BTBD8: variants seen among roughly 807,000 people sequenced by gnomAD.
BTBD8 encodes the protein BTB domain containing 8.
Under a neutral mutation model 162.9 loss-of-function variants are expected in BTBD8, and 110 were observed. The observed-to-expected ratio is 0.68, with a 90% CI of 0.58 to 0.79. BTBD8 has a LOEUF of 0.79. Among genes scored for constraint, BTBD8 ranks in the 30% least tolerant of loss-of-function variants. The pLI, the probability that BTBD8 is intolerant of heterozygous loss-of-function variation, is 0.00. For missense variants in BTBD8, 1,905 were observed against 2,085.4 expected (o/e 0.91, Z 1.68); for synonymous variants, 667 against 716.1 (o/e 0.93, Z 1.10).
chr1:92,117,034 GA>G (rs1649058678), intron 4 of BTBD8, among the ~76,000 whole-genome samples: 1 of 151,734 alleles, frequency 6.6e-6, no homozygotes, highest in Non-Finnish European at 1.5e-5. Context: ...ATTTTTTGTA[GA>G]GATGGGTTCT....
intron 7 of BTBD8, among the ~76,000 whole-genome samples, chr1:92,141,726 A>G (rs1452556768): frequency 6.6e-6 from 1 of 152,204 alleles, no homozygotes; most frequent in Middle Eastern, 3.2e-3. Context: ...ATCTCATACT[A>G]TGCATTTTGA....
rs1648708211 is a variant in BTBD8 at position 92,105,689 on chromosome 1, A to G, written c.545-2195A>G. On this transcript the variant is annotated intron_variant, in intron 3 of 17. Transcript: ENST00000636805. ...AAGGTTACGATAAACAGTTGTTAAAAGAAAAACGTTAGATAAAATGAACCT... is the reference window on the plus strand; with the variant it reads ...AAGGTTACGATAAACAGTTGTTAAAGGAAAAACGTTAGATAAAATGAACCT... Among the ~76,000 whole-genome samples the G allele has an allele frequency of 2.6e-5, 4 of 152,268 alleles. No homozygotes were observed. The South Asian group carries it at 8.3e-4, about 31-fold the overall frequency.
chr1:92,163,425 T>C (rs1650314205), intron 9 of BTBD8, among the ~76,000 whole-genome samples: 1 of 150,552 alleles, frequency 6.6e-6, no homozygotes, highest in Non-Finnish European at 1.5e-5. Flanking sequence ...CCTTCATTTG[T>C]ATAAAATAAG....
At chr1:92,089,024 A>G (rs1453999695) in intron 2 of BTBD8, 129 bp downstream of exon 2, 4 of 880,882 alleles carry the variant, frequency 4.5e-6, no homozygotes, top group Non-Finnish European at 1.7e-6. Context: ...TTAAATTCCA[A>G]ATTATCTTAG....
intron 2 of BTBD8, among the ~76,000 whole-genome samples, chr1:92,097,637 A>G (rs1648486756): frequency 6.6e-6 from 1 of 152,146 alleles, no homozygotes; most frequent in Non-Finnish European, 1.5e-5. Flanking sequence ...ATCATTCAAT[A>G]TATGGCCTTT....
At position 92,180,539 on chromosome 1, in the gene BTBD8, T is replaced by C. The variant is rs1183606868; in HGVS notation, c.2856T>C (p.Pro952=). Residue 952 remains proline (P), a synonymous_variant, in exon 17 of 18, where the codon CCT becomes CCC. Transcript: ENST00000636805. ...PPGQVISKTQ[P]SSQRPLKHET... ...GACAGGTTATATCAAAAACTCAGCC[T>C]TCCTCCCAAAGACCTTTAAAACATG... 1 of 1,551,676 alleles carries C rather than the reference T, an allele frequency of 6.4e-7. No homozygotes were observed. The highest frequency in any genetic ancestry group is 8.7e-7 in the Non-Finnish European group (1 of 1,146,968).
rs1378462578 is a variant in BTBD8, at chr1:92,182,154, G to A, written c.4471G>A (p.Glu1491Lys). ...GACCTGCTATTCCAGATTCTCACGAGAAAGTGAAGATAATATTTTAGAATG... is the reference window on the plus strand; with the variant it reads ...GACCTGCTATTCCAGATTCTCACGAAAAAGTGAAGATAATATTTTAGAATG... ...GRTCYSRFSR[E>K]SEDNILECKQ... The change falls in exon 17 of 18, where the codon GAA becomes AAA. Residue 1491 changes from glutamate (E) to lysine (K), a missense_variant. Physicochemically the swap from Glu to Lys is moderately conservative, Grantham distance 56. Around this residue, in one of 3 missense-constraint regions of BTBD8, gnomAD observed 517 missense variants for 606.6 expected, o/e 0.85. Coordinates refer to ENST00000636805, the MANE Select transcript of BTBD8 (RefSeq NM_001376131.1). 6.4e-7 allele frequency: 1 copy of A among 1,550,986 alleles called. No homozygotes were observed. The highest frequency in any genetic ancestry group is 2.0e-5 in the Admixed American group (1 of 50,982).
intron 13 of BTBD8, among the ~76,000 whole-genome samples, 151 bp downstream of exon 13, chr1:92,171,611 A>G (rs1224016372): frequency 6.6e-6 from 1 of 152,184 alleles, no homozygotes; most frequent in Non-Finnish European, 1.5e-5. Flanking sequence ...AATCAAGTGA[A>G]CATTTAATAA....
chr1:92,110,522 C>G (rs1227949034), intron 4 of BTBD8, among the ~76,000 whole-genome samples: 1 of 152,178 alleles, frequency 6.6e-6, no homozygotes, highest in Non-Finnish European at 1.5e-5. Context: ...TGGGATGCTA[C>G]TGCACATTAC....
In BTBD8 at chr1:92,153,034, G is replaced by T. The variant is rs949714626; in HGVS notation, c.1122+5248G>T. On this transcript the variant is annotated intron_variant, in intron 9 of 17. Coordinates refer to ENST00000636805, the MANE Select transcript of BTBD8 (RefSeq NM_001376131.1). The stretch of plus-strand genomic sequence containing the variant: ...TTAATTTTCTCAAAATTCGAAGTAT[G>T]TTACCCAGAAAGAGCAAGCAGTCTT... Among the ~76,000 whole-genome samples the T allele has an allele frequency of 2.0e-5, 3 of 152,150 alleles. 1 individual carries two copies. The highest frequency in any genetic ancestry group is 2.0e-4 in the Admixed American group (3 of 15,276).
intron 4 of BTBD8, among the ~76,000 whole-genome samples, chr1:92,112,526 TTAAATGCA>T (rs1648927019): frequency 1.3e-5 from 2 of 152,222 alleles, no homozygotes; most frequent in Non-Finnish European, 2.9e-5. Context: ...GATTTGTGAA[TTAAATGCA>T]TATTTCTTCT....
intron 5 of BTBD8, among the ~76,000 whole-genome samples, chr1:92,139,031 G>A (rs928778397): frequency 5.9e-5 from 9 of 152,176 alleles, no homozygotes; most frequent in Admixed American, 5.9e-4. Flanking sequence ...AAAATGCTGA[G>A]AAGAGGATTT....
rs560094831 is a variant in BTBD8 at position 92,147,961 on chromosome 1, C to G, written c.1122+175C>G. 34 of 584,294 alleles carry G rather than the reference C, an allele frequency of 5.8e-5. 1 individual carries two copies. The Middle Eastern group carries it at 1.4e-3, about 24-fold the overall frequency. 36.2% of individuals were successfully genotyped at this position (584,294 alleles called of 1,614,324 possible). A position where few individuals can be genotyped will look rare whatever the true frequency, so the allele number is the denominator to read the frequency against. ...GTTCCTTTGAAACCACTCTGCATAC[C>G]CAGCTCATCAGTCAGGGTTGAAACA... On this transcript the variant is annotated intron_variant, in intron 9 of 17. Transcript: ENST00000636805.
Position 92,181,837 on chromosome 1 carries a change from C to G in BTBD8, c.4154C>G (p.Thr1385Arg). 1 of 1,551,048 alleles carries G rather than the reference C, an allele frequency of 6.4e-7. No homozygotes were observed. Among genetic ancestry groups the G allele is most frequent in the Non-Finnish European group, 8.7e-7 (1 of 1,146,892 alleles). Residue 1385 changes from threonine (T) to arginine (R), a missense_variant, in exon 17 of 18, where the codon ACA becomes AGA. Transcript: ENST00000636805. ...IDQVSSSADETEDERSEAENV... is the reference protein window; with the variant it reads ...IDQVSSSADEREDERSEAENV... The stretch of plus-strand genomic sequence containing the variant: ...CAGGTATCTTCTTCAGCAGATGAAA[C>G]AGAAGATGAAAGATCTGAAGCTGAA...
intron 7 of BTBD8, among the ~76,000 whole-genome samples, chr1:92,146,835 G>GT (rs1010795573): frequency 6.6e-6 from 1 of 152,022 alleles, no homozygotes; most frequent in Non-Finnish European, 1.5e-5. Context: ...ATGTACTACA[G>GT]TTTATTTATC....
intron 3 of BTBD8, among the ~76,000 whole-genome samples, chr1:92,105,949 A>G (rs1648714337): frequency 6.6e-6 from 1 of 152,228 alleles, no homozygotes; most frequent in Admixed American, 6.5e-5. Flanking sequence ...GCTGAGATCT[A>G]GCTATCTATT....
intron 4 of BTBD8, chr1:92,114,928 G>A (rs1343785151): frequency 1.6e-5 from 5 of 307,624 alleles, no homozygotes; most frequent in Non-Finnish European, 3.2e-5. Flanking sequence ...AGCACTGAAG[G>A]TGGAAGAGTT....
At chr1:92,157,948 T>C (rs2100652871) in intron 9 of BTBD8, among the ~76,000 whole-genome samples, 1 of 152,352 alleles carries the variant, frequency 6.6e-6, no homozygotes. Context: ...TTTATAATTG[T>C]TGTATCTTCC....
Position 92,178,350 on chromosome 1 carries a change from C to T in BTBD8, c.2480C>T (p.Pro827Leu). Residue 827 changes from proline to leucine, a missense_variant, in exon 16 of 18, where the codon CCA (proline) becomes CTA (leucine). Around this residue, in one of 3 missense-constraint regions of BTBD8, gnomAD observed 1,374 missense variants for 1,442.7 expected, o/e 0.95. Transcript: ENST00000636805. ...GTCAGTGGCAAAGGATGTAGTGAGC[C>T]AGTACCACAGGCAATTTTGAAGAAA... ...KKVSGKGCSE[P>L]VPQAILKKRG... The T allele has an allele frequency of 1.9e-6, 3 of 1,551,434 alleles. No homozygotes were observed. The highest frequency in any genetic ancestry group is 2.6e-6 in the Non-Finnish European group (3 of 1,146,792).
Sources: gnomAD v4.1 joint callset for allele counts (sites outside exome capture counted in the v4.1 genomes callset) on GRCh38, gnomAD v4.1.1 for gene constraint, gnomAD v4.1.1 regional missense constraint, MANE v1.5 for transcripts, NCBI Gene and HGNC (gene_info 2026-07-23, HGNC 2026-07-21) for gene names.